Variants in LRRC41 observed in about 807,000 individuals in gnomAD.
The protein encoded by LRRC41 is leucine-rich repeat-containing protein 41.
A neutral mutation model predicts 72.1 loss-of-function variants in LRRC41; 17 were observed. The ratio of observed to expected loss-of-function variants is 0.24; its 90% CI spans 0.16 to 0.35. LRRC41 has a LOEUF of 0.35. LRRC41 is among the 10% of genes least tolerant of loss of function. LRRC41 has a pLI of 1.00. For missense variants in LRRC41, 759 were observed against 1,065.0 expected (o/e 0.71, Z 4.00); for synonymous variants, 427 against 431.0 (o/e 0.99, Z 0.11).
At position 46,303,456 on chromosome 1, in the gene LRRC41, C is replaced by A. The variant is rs1355808796; in HGVS notation, c.-134G>T. On this transcript the variant is annotated 5_prime_UTR_variant, in exon 1 of 10. Coordinates refer to ENST00000617190, the MANE Select transcript of LRRC41 (RefSeq NM_006369.5). ...TAAAGAAATTTCGAAGAAATTAGCA[C>A]ACTTTCCAAGTCTCTTAGGAGCTAC... The A allele has an allele frequency of 7.7e-6, 7 of 912,768 alleles. No individual in the cohort carries two copies. The highest frequency in any genetic ancestry group is 3.6e-5 in the South Asian group (2 of 55,062). 56.5% of individuals were successfully genotyped at this position (912,768 alleles called of 1,614,324 possible).
chr1:46,297,505 T>C, intron 3 of LRRC41, 58 bp downstream of exon 3: 1 of 1,378,734 alleles, frequency 7.3e-7, no homozygotes, highest in Non-Finnish European at 1.0e-6. Flanking sequence ...GTTTGTGTGC[T>C]ATTCCTGCTT....
At chr1:46,284,854 A>G (rs972462612) in intron 4 of LRRC41, among the ~76,000 whole-genome samples, 12 of 152,198 alleles carry the variant, frequency 7.9e-5, no homozygotes, top group African/African-American at 2.9e-4. Context: ...AGCAGTGCTC[A>G]GCAACCTAGG....
At position 46,302,792 on chromosome 1, in the gene LRRC41, G is replaced by T; in HGVS notation, c.199+332C>A. The T allele has an allele frequency of 1.0e-6, 1 of 985,164 alleles. No homozygotes were observed. The highest frequency in any genetic ancestry group is 1.2e-6 in the Non-Finnish European group (1 of 829,852). 61.0% of individuals were successfully genotyped at this position (985,164 alleles called of 1,614,324 possible). A position where few individuals can be genotyped will look rare whatever the true frequency, so the allele number is the denominator to read the frequency against. On this transcript the variant is annotated intron_variant, in intron 1 of 9. Transcript: ENST00000617190. The surrounding 1 kb of genome is among the most constrained non-coding windows in gnomAD (Gnocchi z 4.7). ...TCGACATCCGAGACTCTCCTGCCCG[G>T]CCCAGCCGAGTGTCAGTTCGCGCGG...
Position 46,278,001 on chromosome 1 carries a change from T to C in LRRC41, c.*864A>G. Reference sequence around the variant, plus strand: ...GACAGGTGGGGAAGTGCCCTAACCATTATCTCTAAGCTACCCACACAGTAG... The same window carrying C: ...GACAGGTGGGGAAGTGCCCTAACCACTATCTCTAAGCTACCCACACAGTAG... On this transcript the variant is annotated 3_prime_UTR_variant, in exon 10 of 10. Coordinates refer to ENST00000617190, the MANE Select transcript of LRRC41 (RefSeq NM_006369.5). 1 of 1,614,176 alleles carries C rather than the reference T, an allele frequency of 6.2e-7. No individual in the cohort carries two copies. The highest frequency in any genetic ancestry group is 8.5e-7 in the Non-Finnish European group (1 of 1,180,028).
Position 46,286,120 on chromosome 1 carries a change from A to G in LRRC41, c.737T>C (p.Ile246Thr). ...CCAGAAGCCAGCACTCATGGTGAGA[A>G]TAAGGATGAAAAGGGCTGACTCAGG... ...PVPESALFIL[I>T]LTMSAGFWQP... The change falls in exon 4 of 10, where the codon ATT becomes ACT. Residue 246 changes from isoleucine (I) to threonine (T), a missense_variant. Ile to Thr is a moderately conservative substitution (Grantham distance 89, BLOSUM62 -1). Coordinates refer to ENST00000617190, the MANE Select transcript of LRRC41 (RefSeq NM_006369.5). The surrounding 1 kb of genome is among the most constrained non-coding windows in gnomAD (Gnocchi z 5.5). 6.2e-7 allele frequency: 1 copy of G among 1,614,250 alleles called. No individual in the cohort carries two copies.
intron 2 of LRRC41, among the ~76,000 whole-genome samples, chr1:46,297,991 G>C (rs987780187): frequency 2.0e-5 from 3 of 152,268 alleles, no homozygotes; most frequent in African/African-American, 7.2e-5. Flanking sequence ...TGTCTAATGA[G>C]GGGAGGAAGC....
At chr1:46,287,855 TAGAA>T in intron 3 of LRRC41, among the ~76,000 whole-genome samples, 2 of 152,330 alleles carry the variant, frequency 1.3e-5, no homozygotes, top group African/African-American at 4.8e-5. Flanking sequence ...TAGAAATTCT[TAGAA>T]AGCAGAAACC....
chr1:46,297,711 G>A (rs1661152417), intron 2 of LRRC41, 78 bp from the exon 3 acceptor site: 1 of 1,066,838 alleles, frequency 9.4e-7, no homozygotes, highest in Non-Finnish European at 1.5e-6. Flanking sequence ...GTTGTCTTCT[G>A]GGTTCACAGG....
At chr1:46,300,386 G>T (rs1202118280) in intron 1 of LRRC41, 3 of 152,016 alleles carry the variant, frequency 2.0e-5, no homozygotes, top group Non-Finnish European at 4.4e-5. Flanking sequence ...CCGCTCCAGG[G>T]TCTCTTTTTA....
intron 4 of LRRC41, among the ~76,000 whole-genome samples, chr1:46,282,508 G>T (rs1289742672): frequency 6.6e-6 from 1 of 152,134 alleles, no homozygotes; most frequent in Non-Finnish European, 1.5e-5. Context: ...TTGATAATGC[G>T]ATGGGAACTG....
At chr1:46,281,093 G>GCA in intron 5 of LRRC41, 32 bp downstream of exon 5, 1 of 1,609,340 alleles carries the variant, frequency 6.2e-7, no homozygotes, top group Non-Finnish European at 8.5e-7. Context: ...ACACGTGCGT[G>GCA]CACACACACA....
chr1:46,302,106 C>A lies in LRRC41; in HGVS notation c.199+1018G>T. ...AACTGGCCGGTTCGCCCTCCCCGGC[C>A]GTTCATCCCGGCGCCCCAGGCCGCC... On this transcript the variant is annotated intron_variant, in intron 1 of 9. Transcript: ENST00000617190. This position sits in a 1 kb window ranked among gnomAD's most constrained non-coding sequence, Gnocchi z 4.7. The A allele has an allele frequency of 1.0e-6, 1 of 985,352 alleles. No individual in the cohort carries two copies. Among genetic ancestry groups the A allele is most frequent in the South Asian group, 4.7e-5 (1 of 21,290 alleles). The allele number at this position is 985,352 out of a possible 1,614,324, so 61.0% of individuals were successfully genotyped here.
In LRRC41 at chr1:46,303,001, GC is replaced by G. The variant is rs1661277151; in HGVS notation, c.199+122del. The G allele has an allele frequency of 1.8e-5, 24 of 1,312,310 alleles. 2 individuals are homozygous for G. The South Asian group carries it at 5.4e-4, about 29-fold the overall frequency. The allele number at this position is 1,312,310 out of a possible 1,614,324, so 81.3% of individuals were successfully genotyped here. A position where few individuals can be genotyped will look rare whatever the true frequency, so the allele number is the denominator to read the frequency against. On this transcript the variant is annotated intron_variant, in intron 1 of 9. Transcript: ENST00000617190. ...CAAAATTCATTCTCCGATCCTACGA[GC>G]TGGCTTTCAGCGCCCCAGGCTGGGC...
Position 46,278,940 on chromosome 1 carries a change from G to C in LRRC41, c.2364C>G (p.Leu788=), listed in dbSNP as rs559496301. The C allele has an allele frequency of 2.3e-5, 37 of 1,613,922 alleles. No individual in the cohort carries two copies. The South Asian group carries it at 3.8e-4, about 17-fold the overall frequency. The change falls in exon 10 of 10, where the codon CTC becomes CTG. Residue 788 remains leucine (L), a synonymous_variant. Transcript: ENST00000617190. ...CGCTAACCACATGGCAGGTAGCCCG[G>C]AGCCGCCGGATGGCTTCCCTGGCTG... ...AVTAREAIRR[L]RATCHVVSDS... is the part of the protein sequence containing the mutation.
Position 46,281,312 on chromosome 1 carries a change from A to C in LRRC41, c.1569T>G (p.Arg523=). 1 of 1,614,202 alleles carries C rather than the reference A, an allele frequency of 6.2e-7. No homozygotes were observed. Among genetic ancestry groups the C allele is most frequent in the Non-Finnish European group, 8.5e-7 (1 of 1,180,024 alleles). Residue 523 remains arginine (R), a synonymous_variant, in exon 5 of 10, where the codon CGT becomes CGG. Transcript: ENST00000617190. ...AGAACAGGTCACTGAGATGCAGGGC[A>C]CGGAGGCGACATCCAGCCTGGCCTG... ...ALSGQAGCRL[R]ALHLSDLFSP... is the part of the protein sequence containing the mutation.
intron 3 of LRRC41, among the ~76,000 whole-genome samples, chr1:46,293,077 G>A (rs367868934): frequency 1.3e-5 from 2 of 151,832 alleles, no homozygotes; most frequent in East Asian, 1.9e-4. Flanking sequence ...CCAGCTACTC[G>A]GGAGGCTGAG....
At chr1:46,292,884 A>AT in intron 3 of LRRC41, among the ~76,000 whole-genome samples, 1 of 152,252 alleles carries the variant, frequency 6.6e-6, no homozygotes, top group Non-Finnish European at 1.5e-5. Flanking sequence ...GGTTCTGTGC[A>AT]TTTAATAATT....
At chr1:46,301,791 C>T (rs1231950019) in intron 1 of LRRC41, among the ~76,000 whole-genome samples, 1 of 152,048 alleles carries the variant, frequency 6.6e-6, no homozygotes, top group African/African-American at 2.4e-5. Flanking sequence ...GTGGAACCTC[C>T]CCCGCGCCGC....
rs1661294410 is a variant in LRRC41 at position 46,303,499 on chromosome 1, T to A, written c.-177A>T. On this transcript the variant is annotated 5_prime_UTR_variant, in exon 1 of 10. Coordinates refer to ENST00000617190, the MANE Select transcript of LRRC41 (RefSeq NM_006369.5). ...GGAGCTACTATTTTAGATAAACTCC[T>A]AGATCAATTATACTTGGGTGTGGTA... 4 of 747,810 alleles carry A rather than the reference T, an allele frequency of 5.3e-6. No individual in the cohort carries two copies. The South Asian group carries it at 7.6e-5, about 14-fold the overall frequency. 46.3% of individuals were successfully genotyped at this position (747,810 alleles called of 1,614,324 possible). A position where few individuals can be genotyped will look rare whatever the true frequency, so the allele number is the denominator to read the frequency against.
Sources: gnomAD v4.1 joint callset for allele counts (sites outside exome capture counted in the v4.1 genomes callset) on GRCh38, gnomAD v4.1.1 for gene constraint, Gnocchi (gnomAD v3.1) non-coding constraint, MANE v1.5 for transcripts, NCBI Gene and HGNC (gene_info 2026-07-23, HGNC 2026-07-21) for gene names.